EPB41L5: variants seen among roughly 807,000 people sequenced by gnomAD.
EPB41L5 encodes the protein band 4.1-like protein 5.
EPB41L5 carries 55 observed loss-of-function variants against 106.6 expected under a neutral mutation model. The observed-to-expected ratio is 0.52, with a 90% CI of 0.42 to 0.65. The LOEUF (loss-of-function observed/expected upper bound fraction) is 0.65, where lower values mean the gene tolerates loss of function less well. EPB41L5 is among the 30% of genes least tolerant of loss of function. EPB41L5 has a pLI of 0.00. For missense variants in EPB41L5, 871 were observed against 882.1 expected (o/e 0.99, Z 0.16); for synonymous variants, 297 against 306.7 (o/e 0.97, Z 0.33).
intron 3 of EPB41L5, among the ~76,000 whole-genome samples, chr2:120,069,785 A>G (rs1319375991): frequency 6.6e-6 from 1 of 152,238 alleles, no homozygotes; most frequent in Non-Finnish European, 1.5e-5. Flanking sequence ...CAAAGACACA[A>G]TATACCAGAA....
intron 16 of EPB41L5, among the ~76,000 whole-genome samples, chr2:120,110,676 C>CA (rs1332582677): frequency 2.0e-5 from 3 of 150,062 alleles, no homozygotes; most frequent in Non-Finnish European, 3.0e-5. Flanking sequence ...TCACTCTTGC[C>CA]GAGGCTGGAG....
chr2:120,165,943 G>A (rs1274508612), intron 22 of EPB41L5, among the ~76,000 whole-genome samples: 2 of 143,848 alleles, frequency 1.4e-5, no homozygotes, highest in East Asian at 4.0e-4. Context: ...ACTCCAGTCT[G>A]GGCGACACAG....
intron 10 of EPB41L5, among the ~76,000 whole-genome samples, chr2:120,083,886 G>C (rs2105347338): frequency 6.6e-6 from 1 of 152,150 alleles, no homozygotes; most frequent in East Asian, 1.9e-4. Flanking sequence ...ATCTTTGTTG[G>C]TTTCAGGTCT....
rs1459819979 is a variant in EPB41L5 at position 120,167,516 on chromosome 2, A to AGGGCTC, written c.2004+9_2004+10insGGGCTC. ...CCCGGTGGATTGTTCCGGTAAGTTC[A>AGGGCTC]TGTTATTTGTGATTTTTCTTCTGGC... On this transcript the variant is annotated intron_variant, in intron 23 of 24. Coordinates refer to ENST00000263713, the MANE Select transcript of EPB41L5 (RefSeq NM_020909.4). The AGGGCTC allele has an allele frequency of 1.2e-6, 2 of 1,613,408 alleles. No individual in the cohort carries two copies.
intron 16 of EPB41L5, chr2:120,104,626 TA>T: frequency 1.0e-6 from 1 of 988,798 alleles, no homozygotes; most frequent in Non-Finnish European, 1.2e-6. Context: ...TCAGACACAC[TA>T]AAAACACAGT....
chr2:120,150,727 G>A (rs1299467478), intron 20 of EPB41L5, among the ~76,000 whole-genome samples: 1 of 151,786 alleles, frequency 6.6e-6, no homozygotes, highest in Non-Finnish European at 1.5e-5. Context: ...TTGTTGAATT[G>A]TAGGAGTCCT....
chr2:120,160,583 C>G (rs1241655077), intron 20 of EPB41L5: 1 of 265,694 alleles, frequency 3.8e-6, no homozygotes, highest in East Asian at 7.9e-5. Context: ...CCATACTGTT[C>G]TTTAAAGTTG....
chr2:120,062,380 T>C (rs910234493), intron 3 of EPB41L5, among the ~76,000 whole-genome samples: 19 of 152,234 alleles, frequency 1.2e-4, no homozygotes, highest in African/African-American at 3.6e-4. Context: ...GGAAAACTCC[T>C]GATCTTACTG....
chr2:120,065,989 T>C (rs1681419955), intron 3 of EPB41L5, among the ~76,000 whole-genome samples: 1 of 152,154 alleles, frequency 6.6e-6, no homozygotes, highest in South Asian at 2.1e-4. Context: ...TTGAAAAATT[T>C]TCTTCTTCCC....
intron 2 of EPB41L5, among the ~76,000 whole-genome samples, chr2:120,022,344 C>A (rs543648942): frequency 2.5e-4 from 38 of 152,080 alleles, no homozygotes; most frequent in African/African-American, 9.2e-4. Flanking sequence ...ACCCCCCACC[C>A]CCCGACAGGC....
chr2:120,132,635 A>G (rs770189844), intron 18 of EPB41L5, among the ~76,000 whole-genome samples: 1 of 152,120 alleles, frequency 6.6e-6, no homozygotes. Context: ...AGGTGATTCA[A>G]TTTCAGAAAG....
At chr2:120,116,661 G>A (rs1161834480) in intron 16 of EPB41L5, among the ~76,000 whole-genome samples, 1 of 151,960 alleles carries the variant, frequency 6.6e-6, no homozygotes, top group Non-Finnish European at 1.5e-5. Context: ...TAGGACTATA[G>A]GCACATGCTA....
At chr2:120,016,156 G>A (rs972148844) in intron 1 of EPB41L5, among the ~76,000 whole-genome samples, 2 of 152,170 alleles carry the variant, frequency 1.3e-5, no homozygotes, top group Admixed American at 1.3e-4. Context: ...TTGGTCCGGC[G>A]AGGTGGCTTA....
intron 20 of EPB41L5, among the ~76,000 whole-genome samples, chr2:120,149,917 CAGGGT>C (rs1190842557): frequency 2.4e-5 from 3 of 124,574 alleles, no homozygotes; most frequent in Non-Finnish European, 4.9e-5. Context: ...TTTTTTGAGA[CAGGGT>C]CTTGCTCTGT....
At position 120,092,533 on chromosome 2, in the gene EPB41L5, T is replaced by A. The variant is rs965738403; in HGVS notation, c.1151-716T>A. On this transcript the variant is annotated intron_variant, in intron 13 of 24. Transcript: ENST00000263713. ...CAAATAAATTAAACCTTGTGTTTGG[T>A]TTTAAACTGAATTTGCATTAAAATG... 1.3e-5 allele frequency among the ~76,000 whole-genome samples: 2 copies of A among 152,326 alleles called. 1 individual carries two copies. The highest frequency in any genetic ancestry group is 3.9e-4 in the East Asian group (2 of 5,184).
chr2:120,101,958 C>T (rs1684168361), intron 16 of EPB41L5, among the ~76,000 whole-genome samples: 1 of 152,070 alleles, frequency 6.6e-6, no homozygotes, highest in African/African-American at 2.4e-5. Flanking sequence ...AAGAGTGAGG[C>T]TTATAAATGT....
intron 3 of EPB41L5, among the ~76,000 whole-genome samples, chr2:120,053,864 C>T (rs141888692): frequency 4.3e-3 from 648 of 152,208 alleles, no homozygotes; most frequent in Middle Eastern, 0.01. Context: ...GAGTTCGAGA[C>T]CAGCCTGGGC....
intron 3 of EPB41L5, among the ~76,000 whole-genome samples, chr2:120,071,202 C>A (rs1442576471): frequency 6.6e-6 from 1 of 151,718 alleles, no homozygotes; most frequent in Non-Finnish European, 1.5e-5. Flanking sequence ...TAACAGAGAG[C>A]CAAATCATGA....
At position 120,162,683 on chromosome 2, in the gene EPB41L5, G is replaced by A. The variant is rs1026458222; in HGVS notation, c.1887+1709G>A. On this transcript the variant is annotated intron_variant, in intron 21 of 24. Coordinates refer to ENST00000263713, the MANE Select transcript of EPB41L5 (RefSeq NM_020909.4). Reference sequence around the variant, plus strand: ...AGTTCAAAGATTTATTGCATATATAGTATGTACCAGACAACTTGTTAAGCA... The same window carrying A: ...AGTTCAAAGATTTATTGCATATATAATATGTACCAGACAACTTGTTAAGCA... Among the ~76,000 whole-genome samples, 3 of 152,162 alleles carry A rather than the reference G, an allele frequency of 2.0e-5. No homozygotes were observed. In the East Asian group the frequency reaches 5.8e-4, roughly 29 times the overall value.
Sources: allele counts gnomAD v4.1 joint callset (sites outside exome capture counted in the v4.1 genomes callset), GRCh38; gene constraint gnomAD v4.1.1; transcripts MANE v1.5; gene names NCBI Gene and HGNC (gene_info 2026-07-23, HGNC 2026-07-21).